Variants in SUMF1 observed in about 807,000 individuals in gnomAD.
SUMF1 encodes sulfatase modifying factor 1, also known as formylglycine-generating enzyme.
In SUMF1, 48 loss-of-function variants were observed where a neutral mutation model predicts 47.6. The observed-to-expected ratio is 1.01, with a 90% CI of 0.80 to 1.28. The LOEUF is 1.28. Ranked by LOEUF, SUMF1 falls within the 50% of genes most tolerant of loss-of-function variation. The pLI is 0.00. For synonymous variants in SUMF1, 230 were observed against 192.1 expected (o/e 1.20, Z -1.63); for missense variants, 571 against 485.4 (o/e 1.18, Z -1.66).
At chr3:4,105,379 A>G (rs867271224) in intron 8 of SUMF1, among the ~76,000 whole-genome samples, 9 of 152,180 alleles carry the variant, frequency 5.9e-5, no homozygotes, top group East Asian at 3.8e-4. Context: ...ATTTTCCTCA[A>G]TTACAAAACT....
At chr3:4,276,590 T>A (rs1177334887) in intron 8 of SUMF1, among the ~76,000 whole-genome samples, 1 of 152,182 alleles carries the variant, frequency 6.6e-6, no homozygotes, top group Non-Finnish European at 1.5e-5. Flanking sequence ...GCACATGATT[T>A]ATCAGTTCCT....
chr3:4,206,043 T>A (rs1290000954), intron 8 of SUMF1, among the ~76,000 whole-genome samples: 1 of 152,026 alleles, frequency 6.6e-6, no homozygotes, highest in African/African-American at 2.4e-5. Flanking sequence ...TCAGGGTGGG[T>A]CTAGAACTGT....
At chr3:4,303,949 T>C in intron 8 of SUMF1, 2 of 1,019,678 alleles carry the variant, frequency 2.0e-6, no homozygotes, top group South Asian at 1.7e-5. Context: ...GCCTTAGCTG[T>C]GGTCTCCCTC....
intron 8 of SUMF1, among the ~76,000 whole-genome samples, chr3:4,089,719 C>A (rs1692744510): frequency 6.6e-6 from 1 of 152,186 alleles, no homozygotes. Flanking sequence ...TGAAACTCAA[C>A]TACCACCTTT....
chr3:4,403,188 T>G (rs1462483777), intron 7 of SUMF1, among the ~76,000 whole-genome samples: 1 of 152,216 alleles, frequency 6.6e-6, no homozygotes, highest in Admixed American at 6.5e-5. Flanking sequence ...GAAAGTAAAC[T>G]GAGTCTCTGA....
intron 8 of SUMF1, among the ~76,000 whole-genome samples, chr3:4,131,981 G>C (rs1462515116): frequency 6.6e-6 from 1 of 152,140 alleles, no homozygotes; most frequent in Non-Finnish European, 1.5e-5. Context: ...CCAGTGCTGA[G>C]TGCCCAATTT....
chr3:4,328,715 C>T lies in SUMF1; in HGVS notation c.1014+47615G>A, dbSNP rs367629386. On this transcript the variant is annotated intron_variant and NMD_transcript_variant, in intron 8 of 12. Coordinates refer to the SUMF1 transcript ENST00000448413. ...TGCCCCTCACCCCTACCAAATCTCACGTCCTCACATTTCAAAACCAGTCAT... is the reference window on the plus strand; with the variant it reads ...TGCCCCTCACCCCTACCAAATCTCATGTCCTCACATTTCAAAACCAGTCAT... 3.5e-4 allele frequency among the ~76,000 whole-genome samples: 54 copies of T among 152,260 alleles called. 1 individual carries two copies. The highest frequency in any genetic ancestry group is 1.1e-3 in the African/African-American group (45 of 41,556).
At chr3:4,111,357 C>T (rs978298958) in intron 8 of SUMF1, among the ~76,000 whole-genome samples, 8 of 151,990 alleles carry the variant, frequency 5.3e-5, no homozygotes, top group Admixed American at 5.2e-4. Context: ...TAGTATAAAA[C>T]AGAATAAAAT....
intron 8 of SUMF1, chr3:4,313,322 T>C: frequency 6.2e-7 from 1 of 1,614,076 alleles, no homozygotes; most frequent in East Asian, 2.2e-5. Flanking sequence ...AATTACATTA[T>C]AGCCATCAGG....
intron 8 of SUMF1, among the ~76,000 whole-genome samples, chr3:4,367,444 C>G (rs1357013904): frequency 6.6e-6 from 1 of 152,136 alleles, no homozygotes; most frequent in Non-Finnish European, 1.5e-5. Context: ...CCATCCCCAT[C>G]AAGCTACCAA....
At chr3:4,273,207 A>C (rs887099398) in intron 8 of SUMF1, among the ~76,000 whole-genome samples, 2 of 151,726 alleles carry the variant, frequency 1.3e-5, no homozygotes, top group African/African-American at 4.8e-5. Context: ...GTTTGTCCAC[A>C]CAAACACATA....
chr3:4,097,631 C>T lies in SUMF1; in HGVS notation c.1015-28886G>A, dbSNP rs1000519708. Among the ~76,000 whole-genome samples, 3 of 152,088 alleles carry T rather than the reference C, an allele frequency of 2.0e-5. No homozygotes were observed. The East Asian group carries it at 5.8e-4, about 29-fold the overall frequency. On this transcript the variant is annotated intron_variant and NMD_transcript_variant, in intron 8 of 12. Coordinates refer to the SUMF1 transcript ENST00000448413. ...GTATTTTTTGCCTTCCAATTCACAACGCATGTGTTCTTCCTTTTAATATCA... is the reference window on the plus strand; with the variant it reads ...GTATTTTTTGCCTTCCAATTCACAATGCATGTGTTCTTCCTTTTAATATCA...
At chr3:4,248,752 A>G (rs917161920) in intron 8 of SUMF1, among the ~76,000 whole-genome samples, 8 of 152,212 alleles carry the variant, frequency 5.3e-5, no homozygotes, top group African/African-American at 1.7e-4. Context: ...TGGGGTGGCT[A>G]TTGAAGAAAA....
intron 8 of SUMF1, among the ~76,000 whole-genome samples, chr3:4,069,809 C>G (rs1391814181): frequency 6.6e-6 from 1 of 152,022 alleles, no homozygotes; most frequent in African/African-American, 2.4e-5. Flanking sequence ...ATATATAACC[C>G]CAAAATATAT....
At chr3:4,345,116 G>T (rs1475115549) in intron 8 of SUMF1, among the ~76,000 whole-genome samples, 1 of 152,102 alleles carries the variant, frequency 6.6e-6, no homozygotes, top group Non-Finnish European at 1.5e-5. Context: ...ACACTTCAGG[G>T]TATTATCCAG....
chr3:4,172,686 T>C (rs566195748), intron 8 of SUMF1, among the ~76,000 whole-genome samples: 1 of 92,388 alleles, frequency 1.1e-5, no homozygotes, highest in Non-Finnish European at 2.5e-5. Flanking sequence ...CACTTTTTGA[T>C]GGGGTTGTTT....
chr3:4,104,722 C>A (rs1693118735), intron 8 of SUMF1, among the ~76,000 whole-genome samples: 1 of 151,864 alleles, frequency 6.6e-6, no homozygotes, highest in African/African-American at 2.4e-5. Flanking sequence ...CCTACCAATT[C>A]CCCTGTTCTC....
At chr3:4,426,626 T>C (rs765058505) in intron 3 of SUMF1, among the ~76,000 whole-genome samples, 2 of 152,194 alleles carry the variant, frequency 1.3e-5, no homozygotes, top group African/African-American at 4.8e-5. Context: ...ATACTGCAGA[T>C]TGTGACATCT....
chr3:4,441,844 A>T (rs1021067990), intron 3 of SUMF1, among the ~76,000 whole-genome samples: 13 of 152,256 alleles, frequency 8.5e-5, no homozygotes, highest in Non-Finnish European at 1.6e-4. Flanking sequence ...TGGCAACAGC[A>T]TCAGCAAAGC....
Sources: gnomAD v4.1 joint callset for allele counts (sites outside exome capture counted in the v4.1 genomes callset) on GRCh38, gnomAD v4.1.1 for gene constraint, MANE v1.5 for transcripts, NCBI Gene and HGNC (gene_info 2026-07-23, HGNC 2026-07-21) for gene names.